The following GPR176 variants were observed in gnomAD, a reference collection of about 807,000 sequenced individuals.
GPR176 encodes G-protein coupled receptor 176.
GPR176 carries 26 observed loss-of-function variants against 35.4 expected under a neutral mutation model. That is an observed-to-expected ratio of 0.74 (90% CI 0.54 to 1.02). GPR176 has a LOEUF of 1.02. Among genes scored for constraint, GPR176 ranks in the 50% least tolerant of loss-of-function variants. The pLI is 0.00. For synonymous variants in GPR176, 278 were observed against 271.3 expected (o/e 1.02, Z -0.24); for missense variants, 597 against 665.3 (o/e 0.90, Z 1.13).
chr15:39,807,029 G>A lies in GPR176; in HGVS notation c.402C>T (p.Ser134=). Reference sequence around the variant, plus strand: ...ACCTGTCCAAAGCAATAGCAGGGAAGCTGAGGATGGTCACAGAGCAGAATA... The same window carrying A: ...ACCTGTCCAAAGCAATAGCAGGGAAACTGAGGATGGTCACAGAGCAGAATA... The part of the protein sequence containing the change: ...HKVFCSVTIL[S]FPAIALDRYY... The change falls in exon 2 of 3, where the codon AGC becomes AGT. Residue 134 remains serine (S), a synonymous_variant. Coordinates refer to ENST00000561100, the MANE Select transcript of GPR176 (RefSeq NM_007223.3). 6.2e-7 allele frequency: 1 copy of A among 1,613,388 alleles called. No homozygotes were observed. Among genetic ancestry groups the A allele is most frequent in the South Asian group, 1.1e-5 (1 of 91,000 alleles).
chr15:39,843,542 T>C (rs1032249124), intron 1 of GPR176, among the ~76,000 whole-genome samples: 2 of 151,840 alleles, frequency 1.3e-5, no homozygotes, highest in African/African-American at 4.8e-5. Context: ...CATCTGGAGG[T>C]TGAACATGCC....
chr15:39,826,118 G>A, intron 1 of GPR176, among the ~76,000 whole-genome samples: 1 of 152,148 alleles, frequency 6.6e-6, no homozygotes, highest in East Asian at 1.9e-4. Context: ...CATGCAGGAT[G>A]AGAAGGACAG....
chr15:39,811,124 C>CT (rs1190374901), intron 1 of GPR176, among the ~76,000 whole-genome samples: 3 of 152,174 alleles, frequency 2.0e-5, no homozygotes, highest in South Asian at 4.1e-4. Context: ...TTGGCTCTTG[C>CT]TTTTTTTAAC....
intron 1 of GPR176, among the ~76,000 whole-genome samples, chr15:39,845,836 A>C (rs1384787981): frequency 6.6e-6 from 1 of 152,202 alleles, no homozygotes; most frequent in East Asian, 1.9e-4. Context: ...CTACATCCTG[A>C]GGCCTAGACC....
intron 1 of GPR176, among the ~76,000 whole-genome samples, chr15:39,828,716 G>A (rs1900853931): frequency 6.6e-6 from 1 of 152,174 alleles, no homozygotes; most frequent in South Asian, 2.1e-4. Flanking sequence ...AGCACCAAGA[G>A]AATCAATAAG....
intron 1 of GPR176, chr15:39,807,585 G>T (rs982076343): frequency 6.6e-5 from 98 of 1,489,330 alleles, no homozygotes; most frequent in Non-Finnish European, 8.2e-5. Flanking sequence ...CAGGCAGTCT[G>T]CTCTTATCAA....
chr15:39,877,338 C>G (rs1422717854), intron 1 of GPR176, among the ~76,000 whole-genome samples: 3 of 152,140 alleles, frequency 2.0e-5, no homozygotes, highest in African/African-American at 7.2e-5. Flanking sequence ...AGTGAACATC[C>G]CTGAACACAC....
chr15:39,866,388 A>C (rs1361857293), intron 1 of GPR176, among the ~76,000 whole-genome samples: 1 of 152,196 alleles, frequency 6.6e-6, no homozygotes. Flanking sequence ...GATTGAACAA[A>C]ACAAAAACAA....
intron 2 of GPR176, among the ~76,000 whole-genome samples, chr15:39,803,922 T>C (rs1899041366): frequency 6.6e-6 from 1 of 152,132 alleles, no homozygotes; most frequent in Admixed American, 6.5e-5. Flanking sequence ...TGGTAAGATA[T>C]GTTCTAGATT....
chr15:39,864,618 T>C (rs1383014882), intron 1 of GPR176, among the ~76,000 whole-genome samples: 1 of 152,062 alleles, frequency 6.6e-6, no homozygotes, highest in Non-Finnish European at 1.5e-5. Context: ...AAAACTCTTC[T>C]GGACATTGGT....
intron 1 of GPR176, among the ~76,000 whole-genome samples, chr15:39,847,955 G>T (rs1459799922): frequency 6.6e-6 from 1 of 152,064 alleles, no homozygotes; most frequent in Admixed American, 6.6e-5. Flanking sequence ...AAGGTGATGG[G>T]GAGGCAGGCA....
intron 1 of GPR176, among the ~76,000 whole-genome samples, chr15:39,846,888 A>T (rs931841354): frequency 6.6e-6 from 1 of 152,180 alleles, no homozygotes; most frequent in Non-Finnish European, 1.5e-5. Flanking sequence ...CAGAAAATAT[A>T]ATTTTTTTCC....
chr15:39,875,503 C>A (rs2032209001), intron 1 of GPR176, among the ~76,000 whole-genome samples: 2 of 152,138 alleles, frequency 1.3e-5, no homozygotes. Flanking sequence ...CACATACAAG[C>A]AAAATTGACT....
intron 1 of GPR176, among the ~76,000 whole-genome samples, chr15:39,876,406 G>A (rs2032248230): frequency 1.3e-5 from 2 of 151,642 alleles, no homozygotes; most frequent in African/African-American, 4.8e-5. Flanking sequence ...GCGAACTAAG[G>A]CCTAATAAAA....
At chr15:39,851,075 A>G (rs2030834267) in intron 1 of GPR176, among the ~76,000 whole-genome samples, 1 of 152,220 alleles carries the variant, frequency 6.6e-6, no homozygotes, top group South Asian at 2.1e-4. Context: ...TACGTTTCTT[A>G]CTTGAACAAC....
chr15:39,850,022 G>A (rs531465788), intron 1 of GPR176, among the ~76,000 whole-genome samples: 1 of 152,236 alleles, frequency 6.6e-6, no homozygotes, highest in Non-Finnish European at 1.5e-5. Context: ...CATGGAAAAG[G>A]TATGGTAAAA....
chr15:39,882,745 T>C (rs2032523607), intron 1 of GPR176, among the ~76,000 whole-genome samples: 1 of 152,138 alleles, frequency 6.6e-6, no homozygotes, highest in Admixed American at 6.6e-5. Context: ...CAGATCTGAG[T>C]ATATGTTTTC....
Position 39,863,310 on chromosome 15 carries a change from T to C in GPR176, c.173-56052A>G, listed in dbSNP as rs562416271. On this transcript the variant is annotated intron_variant, in intron 1 of 2. Transcript: ENST00000561100. ...GTTAGCCAGGATAGTCTTGATCTCC[T>C]GTATGTCTTAGTTTTTAACAAAAAG... Among the ~76,000 whole-genome samples, 244 of 151,798 alleles carry C rather than the reference T, an allele frequency of 1.6e-3. 1 individual carries two copies. The highest frequency in any genetic ancestry group is 5.6e-3 in the African/African-American group (233 of 41,498).
At chr15:39,916,969 G>C (rs1384197437) in intron 1 of GPR176, among the ~76,000 whole-genome samples, 1 of 152,116 alleles carries the variant, frequency 6.6e-6, no homozygotes, top group African/African-American at 2.4e-5. Context: ...CAAGTCCTTA[G>C]AAAACAATGA....
Sources: gnomAD v4.1 joint callset for allele counts (sites outside exome capture counted in the v4.1 genomes callset) on GRCh38, gnomAD v4.1.1 for gene constraint, MANE v1.5 for transcripts, NCBI Gene and HGNC (gene_info 2026-07-23, HGNC 2026-07-21) for gene names.